FMR1NB: variants seen among roughly 807,000 people sequenced by gnomAD.
FMR1NB encodes the protein FMR1 neighbor protein.
FMR1NB carries 10 observed loss-of-function variants against 16.8 expected under a neutral mutation model. The observed-to-expected ratio is 0.60, with a 90% CI of 0.37 to 1.01. The LOEUF is 1.01. Among genes scored for constraint, FMR1NB ranks in the 50% least tolerant of loss-of-function variants. FMR1NB has a pLI of 0.01. For synonymous variants in FMR1NB, 83 were observed against 79.1 expected (o/e 1.05, Z -0.26); for missense variants, 205 against 204.8 (o/e 1.00, Z 0.00).
rs1309755360 is a variant in FMR1NB, at chrX:147,982,774, T to A, written c.277+1095T>A. Among the ~76,000 whole-genome samples the A allele has an allele frequency of 5.5e-5, 5 of 91,114 alleles. No homozygotes were observed. In the Admixed American group the frequency reaches 6.0e-4, roughly 11 times the overall value. 79.1% of individuals were successfully genotyped at this position (91,114 alleles called of 115,157 possible). On this transcript the variant is annotated intron_variant, in intron 1 of 5. Coordinates refer to ENST00000370467, the MANE Select transcript of FMR1NB (RefSeq NM_152578.3). ...CCAGGTGTGGTGGCAGGCGCCTGTA[T>A]TCCCAGCTACTTGGGAGGCTGAGGC...
At chrX:148,023,332 C>T (rs1289968118) in intron 4 of FMR1NB, among the ~76,000 whole-genome samples, 3 of 111,633 alleles carry the variant, frequency 2.7e-5, no homozygotes, top group Non-Finnish European at 5.7e-5. Flanking sequence ...TTCATTTATG[C>T]CCAGAGACAT....
chrX:147,981,781 T>G, intron 1 of FMR1NB, 102 bp downstream of exon 1: 51 of 868,624 alleles, frequency 5.9e-5, no homozygotes, highest in Non-Finnish European at 7.6e-5. Flanking sequence ...CCATAGGCCT[T>G]CCTGCCCCTT....
In FMR1NB at chrX:148,002,114, T is replaced by C. The variant is rs186314726; in HGVS notation, c.278-1087T>C. Among the ~76,000 whole-genome samples the C allele has an allele frequency of 1.5e-4, 17 of 111,514 alleles. No homozygotes were observed. In the East Asian group the frequency reaches 3.7e-3, roughly 24 times the overall value. Reference sequence around the variant, plus strand: ...AGAGATTGATAGATTTAATTACATATAACATTTTAAGCTTCTGAGCTTCCC... The same window carrying C: ...AGAGATTGATAGATTTAATTACATACAACATTTTAAGCTTCTGAGCTTCCC... On this transcript the variant is annotated intron_variant, in intron 1 of 5. Transcript: ENST00000370467.
At chrX:147,984,250 C>G (rs74330797) in intron 1 of FMR1NB, among the ~76,000 whole-genome samples, 1 of 111,046 alleles carries the variant, frequency 9.0e-6, no homozygotes, top group Non-Finnish European at 1.9e-5. Flanking sequence ...CGTTTCTGCC[C>G]CAAGCCCATT....
At chrX:148,008,581 A>T in intron 3 of FMR1NB, 37 bp from the exon 4 acceptor site, 1 of 1,150,173 alleles carries the variant, frequency 8.7e-7, no homozygotes. Context: ...TCTCTTGCTT[A>T]AGTCATGAAA....
chrX:147,987,843 GT>G (rs782357405), intron 1 of FMR1NB, among the ~76,000 whole-genome samples: 33 of 105,123 alleles, frequency 3.1e-4, no homozygotes, highest in East Asian at 1.2e-3. Flanking sequence ...ACTAGGATTG[GT>G]TTTTTTTTTC....
At chrX:148,007,187 T>G (rs1157344788) in intron 3 of FMR1NB, among the ~76,000 whole-genome samples, 1 of 112,681 alleles carries the variant, frequency 8.9e-6, no homozygotes, top group African/African-American at 3.2e-5. Context: ...TTTGCCCAGC[T>G]TTTCCTCCTA....
At chrX:147,993,130 G>T (rs1324933710) in intron 1 of FMR1NB, among the ~76,000 whole-genome samples, 1 of 111,418 alleles carries the variant, frequency 9.0e-6, no homozygotes, top group Non-Finnish European at 1.9e-5. Context: ...GGGCACCATT[G>T]AGCACTGAGT....
intron 4 of FMR1NB, among the ~76,000 whole-genome samples, chrX:148,011,710 G>A (rs2044626229): frequency 9.0e-6 from 1 of 111,219 alleles, no homozygotes; most frequent in Admixed American, 9.5e-5. Context: ...TAGATAGAGA[G>A]GGGTCCTTTT....
chrX:147,994,938 A>G (rs1262200706), intron 1 of FMR1NB, among the ~76,000 whole-genome samples: 2 of 112,361 alleles, frequency 1.8e-5, no homozygotes, highest in Non-Finnish European at 3.8e-5. Flanking sequence ...TAACCCCAAT[A>G]CCTTATTTGT....
chrX:148,016,661 T>C (rs2044651320), intron 4 of FMR1NB, among the ~76,000 whole-genome samples: 2 of 111,555 alleles, frequency 1.8e-5, no homozygotes, highest in African/African-American at 6.5e-5. Flanking sequence ...GGCTTGCAAA[T>C]ACTATCTAAT....
At chrX:147,983,978 G>A (rs1557186870) in intron 1 of FMR1NB, among the ~76,000 whole-genome samples, 1 of 111,672 alleles carries the variant, frequency 9.0e-6, no homozygotes, top group African/African-American at 3.3e-5. Context: ...ACCACTTGTT[G>A]AAGAGACGAT....
chrX:147,995,509 C>T (rs1351968762), intron 1 of FMR1NB, among the ~76,000 whole-genome samples: 2 of 111,502 alleles, frequency 1.8e-5, no homozygotes, highest in African/African-American at 6.5e-5. Flanking sequence ...ATGCAGAAGA[C>T]GTACAGACCA....
chrX:147,992,774 A>C (rs2044518345), intron 1 of FMR1NB, among the ~76,000 whole-genome samples: 1 of 73,473 alleles, frequency 1.4e-5, no homozygotes, highest in Admixed American at 1.4e-4. Context: ...CTCACATCCC[A>C]GATGGGGTGG....
chrX:148,010,125 C>A, intron 4 of FMR1NB, among the ~76,000 whole-genome samples: 1 of 111,752 alleles, frequency 8.9e-6, no homozygotes, highest in African/African-American at 3.3e-5. Flanking sequence ...AAAATGAAAT[C>A]CAAAGGATTG....
intron 4 of FMR1NB, among the ~76,000 whole-genome samples, chrX:148,013,386 C>A (rs1557189819): frequency 9.0e-6 from 1 of 111,555 alleles, no homozygotes; most frequent in Non-Finnish European, 1.9e-5. Flanking sequence ...GAAATTTTCC[C>A]CCCTTGGATT....
chrX:148,022,635 C>T (rs952549695), intron 4 of FMR1NB, among the ~76,000 whole-genome samples: 1 of 111,531 alleles, frequency 9.0e-6, no homozygotes, highest in Admixed American at 9.5e-5. Context: ...CACTCCTACT[C>T]TCTCCCTTGG....
chrX:147,999,437 G>T (rs782405442), intron 1 of FMR1NB, among the ~76,000 whole-genome samples: 1 of 111,820 alleles, frequency 8.9e-6, no homozygotes, highest in African/African-American at 3.2e-5. Context: ...AGGGTTCTCT[G>T]ATCTGGCAAA....
At chrX:148,011,409 T>C (rs1557189610) in intron 4 of FMR1NB, among the ~76,000 whole-genome samples, 1 of 111,935 alleles carries the variant, frequency 8.9e-6, no homozygotes, top group African/African-American at 3.2e-5. Context: ...TTTTCCACTA[T>C]TGACCATATT....
Sources: allele counts gnomAD v4.1 joint callset (sites outside exome capture counted in the v4.1 genomes callset), GRCh38; gene constraint gnomAD v4.1.1; transcripts MANE v1.5; gene names NCBI Gene and HGNC (gene_info 2026-07-23, HGNC 2026-07-21).